LCOR: variants seen among roughly 807,000 people sequenced by gnomAD.
The protein encoded by LCOR is ligand-dependent corepressor.
Under a neutral mutation model 64.4 loss-of-function variants are expected in LCOR, and 14 were observed. The observed-to-expected ratio is 0.22, with a 90% CI of 0.14 to 0.34. LCOR has a LOEUF of 0.34. Among genes scored for constraint, LCOR ranks in the 10% least tolerant of loss-of-function variants. LCOR has a pLI of 1.00. For missense variants in LCOR, 1,686 were observed against 1,765.3 expected, an observed-to-expected ratio of 0.96 and a Z score of 0.80; for synonymous variants, 643 against 642.5, an observed-to-expected ratio of 1.00 and a Z score of -0.01.
intron 2 of LCOR, among the ~76,000 whole-genome samples, chr10:96,863,580 G>A (rs1845924827): frequency 6.6e-6 from 1 of 152,178 alleles, no homozygotes; most frequent in African/African-American, 2.4e-5. Context: ...TGATTGCATT[G>A]TTAGTGCTGT....
intron 4 of LCOR, among the ~76,000 whole-genome samples, chr10:96,916,603 A>G (rs749421537): frequency 2.7e-5 from 4 of 149,052 alleles, no homozygotes; most frequent in African/African-American, 9.9e-5. Flanking sequence ...ATATATATAT[A>G]TATCTATATA....
chr10:96,832,631 G>C (rs1209233659), intron 1 of LCOR, among the ~76,000 whole-genome samples: 1 of 150,096 alleles, frequency 6.7e-6, no homozygotes, highest in Middle Eastern at 3.2e-3. Flanking sequence ...GCCTCCCCGG[G>C]GCTGGCTCTC....
intron 2 of LCOR, among the ~76,000 whole-genome samples, chr10:96,868,858 C>T (rs1217787067): frequency 6.6e-6 from 1 of 152,186 alleles, no homozygotes; most frequent in East Asian, 1.9e-4. Flanking sequence ...TAATCTGACA[C>T]ACAGTGGGTG....
chr10:96,903,787 G>A (rs1846682919), intron 2 of LCOR, among the ~76,000 whole-genome samples: 1 of 152,156 alleles, frequency 6.6e-6, no homozygotes, highest in South Asian at 2.1e-4. Flanking sequence ...CTGTTTTCGA[G>A]AGCTGTGTGA....
chr10:96,943,092 T>C (rs1306442777), intron 4 of LCOR, among the ~76,000 whole-genome samples: 1 of 79,444 alleles, frequency 1.3e-5, no homozygotes, highest in Non-Finnish European at 2.3e-5. Context: ...AGAAACTTTC[T>C]GACCTACTTT....
At position 96,886,590 on chromosome 10, in the gene LCOR, C is replaced by G. The variant is rs1362527917; in HGVS notation, c.-329-20675C>G. The stretch of plus-strand genomic sequence containing the variant: ...TTGTAGATTCAGAGAAGAATATACA[C>G]CACCACTTAGGACTTGCTGATTGCT... On this transcript the variant is annotated intron_variant, in intron 2 of 7. Transcript: ENST00000421806. Among the ~76,000 whole-genome samples, 4 of 152,170 alleles carry G rather than the reference C, an allele frequency of 2.6e-5. No homozygotes were observed. In the East Asian group the frequency reaches 7.7e-4, roughly 29 times the overall value.
At chr10:96,965,811 T>C (rs1182703017) in intron 7 of LCOR, among the ~76,000 whole-genome samples, 1 of 152,106 alleles carries the variant, frequency 6.6e-6, no homozygotes, top group Admixed American at 6.5e-5. Flanking sequence ...TTAATCAAGA[T>C]TTTTTAAGAA....
intron 4 of LCOR, among the ~76,000 whole-genome samples, chr10:96,928,696 G>A (rs2183449): frequency 0.14 from 20,988 of 152,038 alleles, 1,975 homozygotes; most frequent in African/African-American, 0.26. Context: ...AATCTTTTCC[G>A]GAAAGTTTTT....
rs1848146411 is a variant in LCOR, at chr10:96,985,985, T to C, written c.*851T>C. The C allele has an allele frequency of 6.0e-6, 1 of 167,106 alleles. No individual in the cohort carries two copies. Among genetic ancestry groups the C allele is most frequent in the Non-Finnish European group, 1.5e-5 (1 of 68,130 alleles). 10.4% of individuals were successfully genotyped at this position (167,106 alleles called of 1,614,324 possible). ...GGAGGAAAAAGCCTAGGATTTTTTT[T>C]TTCCATCTTGTAGCTGTAATTTGAT... On this transcript the variant is annotated 3_prime_UTR_variant, in exon 8 of 8. Coordinates refer to ENST00000421806, the MANE Select transcript of LCOR (RefSeq NM_001346516.2).
At chr10:96,944,529 A>G (rs961539653) in intron 5 of LCOR, among the ~76,000 whole-genome samples, 13 of 151,916 alleles carry the variant, frequency 8.6e-5, no homozygotes, top group Non-Finnish European at 4.4e-5. Flanking sequence ...ACATTTTGTT[A>G]GACAACTTTT....
At chr10:96,920,697 TTC>T (rs1345401884) in intron 4 of LCOR, among the ~76,000 whole-genome samples, 9 of 136,274 alleles carry the variant, frequency 6.6e-5, no homozygotes, top group East Asian at 2.0e-4. Context: ...TGTATATATG[TTC>T]ATATATGTGT....
At chr10:96,888,946 A>G (rs937888133) in intron 2 of LCOR, among the ~76,000 whole-genome samples, 7 of 152,188 alleles carry the variant, frequency 4.6e-5, no homozygotes, top group African/African-American at 1.7e-4. Flanking sequence ...CATTCACTCA[A>G]CATGTATTTG....
At chr10:96,882,219 G>A (rs1216286937) in intron 2 of LCOR, among the ~76,000 whole-genome samples, 1 of 152,110 alleles carries the variant, frequency 6.6e-6, no homozygotes, top group Non-Finnish European at 1.5e-5. Flanking sequence ...TTTCTTTAAT[G>A]TATGGGTTAA....
At chr10:96,834,140 T>A (rs1845399412) in intron 2 of LCOR, among the ~76,000 whole-genome samples, 1 of 152,238 alleles carries the variant, frequency 6.6e-6, no homozygotes, top group South Asian at 2.1e-4. Context: ...CTACAGGGTT[T>A]CATTACGAAA....
At chr10:96,874,641 CTT>C (rs35772302) in intron 2 of LCOR, among the ~76,000 whole-genome samples, 2 of 145,100 alleles carry the variant, frequency 1.4e-5, no homozygotes, top group Non-Finnish European at 3.0e-5. Flanking sequence ...GACTAGAGTA[CTT>C]TTTTTTTTTT....
chr10:96,915,304 A>C (rs1024002727), intron 4 of LCOR, among the ~76,000 whole-genome samples: 1 of 152,218 alleles, frequency 6.6e-6, no homozygotes, highest in African/African-American at 2.4e-5. Context: ...ACAGATCACA[A>C]GGTGAAGAGA....
chr10:96,853,712 A>G (rs1419121619), intron 2 of LCOR, among the ~76,000 whole-genome samples: 1 of 152,180 alleles, frequency 6.6e-6, no homozygotes, highest in African/African-American at 2.4e-5. Context: ...TGGGCCTGTT[A>G]CCACGTATTT....
intron 6 of LCOR, among the ~76,000 whole-genome samples, chr10:96,951,571 T>A (rs1482049289): frequency 6.6e-6 from 1 of 152,102 alleles, no homozygotes; most frequent in Non-Finnish European, 1.5e-5. Context: ...CCATATTGTT[T>A]AGTATATACA....
At chr10:96,859,957 C>A (rs1253291071) in intron 2 of LCOR, among the ~76,000 whole-genome samples, 1 of 152,128 alleles carries the variant, frequency 6.6e-6, no homozygotes, top group African/African-American at 2.4e-5. Flanking sequence ...TCAGTATGGC[C>A]AGTGGAGTGT....
Sources: gnomAD v4.1 joint callset for allele counts (sites outside exome capture counted in the v4.1 genomes callset) on GRCh38, gnomAD v4.1.1 for gene constraint, MANE v1.5 for transcripts, NCBI Gene and HGNC (gene_info 2026-07-23, HGNC 2026-07-21) for gene names.